FOLR1: variants seen among roughly 807,000 people sequenced by gnomAD.
The protein encoded by FOLR1 is folate receptor alpha.
Under a neutral mutation model 22.8 loss-of-function variants are expected in FOLR1, and 11 were observed. The observed-to-expected ratio is 0.48, with a 90% CI of 0.30 to 0.80. FOLR1 has a LOEUF of 0.80. Ranked by LOEUF, FOLR1 falls within the 30% of genes least tolerant of loss-of-function variation. The pLI is 0.06. For missense variants in FOLR1, 273 were observed against 320.3 expected (o/e 0.85, Z 1.13); for synonymous variants, 108 against 116.5 (o/e 0.93, Z 0.47).
At position 72,195,333 on chromosome 11, in the gene FOLR1, T is replaced by A; in HGVS notation, c.231T>A (p.Asp77Glu). ...STNTSQEAHKDVSYLYRFNWN... is the reference protein window; with the variant it reads ...STNTSQEAHKEVSYLYRFNWN... ...ACACCAGCCAGGAAGCCCATAAGGATGTTTCCTACCTATATAGATTCAACT... is the reference window on the plus strand; with the variant it reads ...ACACCAGCCAGGAAGCCCATAAGGAAGTTTCCTACCTATATAGATTCAACT... The change falls in exon 2 of 4, where the codon GAT (aspartate) becomes GAA (glutamate). Residue 77 changes from aspartate (D) to glutamate (E), a missense_variant. By Grantham distance (45) the Asp-to-Glu change is conservative. Coordinates refer to ENST00000393676, the MANE Select transcript of FOLR1 (RefSeq NM_016729.3). 6.2e-7 allele frequency: 1 copy of A among 1,614,088 alleles called. No homozygotes were observed. The highest frequency in any genetic ancestry group is 8.5e-7 in the Non-Finnish European group (1 of 1,180,022).
At chr11:72,195,768 G>A in intron 3 of FOLR1, 21 bp downstream of exon 3, 1 of 1,614,220 alleles carries the variant, frequency 6.2e-7, no homozygotes, top group East Asian at 2.2e-5. Context: ...GGGTGGGCAG[G>A]AATGGAGGGA....
chr11:72,195,638 G>A lies in FOLR1; in HGVS notation c.384G>A (p.Arg128=), dbSNP rs781503638. ...TGGATCAGAGCTGGCGCAAAGAGCG[G>A]GTACTGAACGTGCCCCTGTGCAAAG... ...QQVDQSWRKE[R]VLNVPLCKED... is the part of the protein sequence containing the mutation. The change falls in exon 3 of 4, where the codon CGG becomes CGA. Residue 128 remains arginine (R), a synonymous_variant. Transcript: ENST00000393676. The A allele has an allele frequency of 2.5e-6, 4 of 1,614,198 alleles. No homozygotes were observed. Among genetic ancestry groups the A allele is most frequent in the Non-Finnish European group, 8.5e-7 (1 of 1,180,036 alleles).
At chr11:72,192,382 A>G in intron 1 of FOLR1, 41 bp downstream of exon 1, 1 of 1,609,824 alleles carries the variant, frequency 6.2e-7, no homozygotes, top group South Asian at 1.1e-5. Flanking sequence ...GGACTGGCTC[A>G]GGAAGAGGAA....
intron 1 of FOLR1, among the ~76,000 whole-genome samples, chr11:72,193,584 G>GCCA (rs1225130755): frequency 6.8e-6 from 1 of 147,636 alleles, no homozygotes; most frequent in Non-Finnish European, 1.5e-5. Flanking sequence ...GTAGGCACAC[G>GCCA]CCACCACACC....
Position 72,195,288 on chromosome 11 carries a change from G to C in FOLR1, c.186G>C (p.Lys62Asn). 2 of 1,614,024 alleles carry C rather than the reference G, an allele frequency of 1.2e-6. No homozygotes were observed. The highest frequency in any genetic ancestry group is 1.7e-6 in the Non-Finnish European group (2 of 1,180,020). The part of the protein sequence containing the change: ...KLHEQCRPWR[K>N]NACCSTNTSQ... Reference sequence around the variant, plus strand: ...CCATCCAGTGTCGACCCTGGAGGAAGAATGCCTGCTGTTCTACCAACACCA... The same window carrying C: ...CCATCCAGTGTCGACCCTGGAGGAACAATGCCTGCTGTTCTACCAACACCA... The change falls in exon 2 of 4, where the codon AAG becomes AAC. Residue 62 changes from lysine (K) to asparagine (N), a missense_variant. Coordinates refer to ENST00000393676, the MANE Select transcript of FOLR1 (RefSeq NM_016729.3).
At position 72,192,205 on chromosome 11, in the gene FOLR1, T is replaced by A; in HGVS notation, c.32T>A (p.Leu11His). 6.2e-7 allele frequency: 1 copy of A among 1,614,168 alleles called. No individual in the cohort carries two copies. Among genetic ancestry groups the A allele is most frequent in the Non-Finnish European group, 8.5e-7 (1 of 1,180,032 alleles). The part of the protein sequence containing the change: MAQRMTTQLL[L>H]LLVWVAVVGE... ...CAGCGGATGACAACACAGCTGCTGC[T>A]CCTTCTAGTGTGGGTGGCTGTAGTA... The change falls in exon 1 of 4, where the codon CTC becomes CAC. Residue 11 changes from leucine (L) to histidine (H), a missense_variant. Coordinates refer to ENST00000393676, the MANE Select transcript of FOLR1 (RefSeq NM_016729.3).
Position 72,195,738 on chromosome 11 carries a change from T to C in FOLR1, c.484T>C (p.Trp162Arg). Residue 162 changes from tryptophan to arginine, a missense_variant, in exon 3 of 4, where the codon TGG becomes CGG. Transcript: ENST00000393676. ...CKSNWHKGWN[W>R]TSGFNKCAVG... is the part of the protein sequence containing the mutation. ...GAGCAACTGGCACAAGGGCTGGAAC[T>C]GGACTTCAGGTGAGGGCTGGGGTGG... The C allele has an allele frequency of 6.2e-7, 1 of 1,614,178 alleles. No individual in the cohort carries two copies. Among genetic ancestry groups the C allele is most frequent in the Non-Finnish European group, 8.5e-7 (1 of 1,180,028 alleles).
At chr11:72,192,705 A>G (rs1948172626) in intron 1 of FOLR1, among the ~76,000 whole-genome samples, 1 of 152,198 alleles carries the variant, frequency 6.6e-6, no homozygotes, top group Non-Finnish European at 1.5e-5. Flanking sequence ...CTTTTCTGCC[A>G]GCCCTAAACA....
At chr11:72,190,961 G>C (rs1948148797), upstream of FOLR1, among the ~76,000 whole-genome samples, 1 of 152,364 alleles carries the variant, frequency 6.6e-6, no homozygotes, top group Non-Finnish European at 1.5e-5. Context: ...GTATGTGGAA[G>C]ATGAGTTAGA....
At chr11:72,193,141 C>A (rs1251745801) in intron 1 of FOLR1, among the ~76,000 whole-genome samples, 1 of 151,956 alleles carries the variant, frequency 6.6e-6, no homozygotes, top group Non-Finnish European at 1.5e-5. Flanking sequence ...TCGAGACCAG[C>A]CTGGGCAAGA....
upstream of FOLR1, among the ~76,000 whole-genome samples, chr11:72,190,879 AGAG>A (rs1471916917): frequency 1.3e-5 from 2 of 152,336 alleles, no homozygotes; most frequent in African/African-American, 4.8e-5. Flanking sequence ...GGCCCTGTCA[AGAG>A]GAGAGGAGGG....
At chr11:72,190,338 T>C (rs1948140474), upstream of FOLR1, 1 of 152,324 alleles carries the variant, frequency 6.6e-6, no homozygotes, top group African/African-American at 2.4e-5. Context: ...GGGTGGTCCC[T>C]ACTGTGTGAC....
intron 1 of FOLR1, among the ~76,000 whole-genome samples, chr11:72,193,208 A>G (rs1397222020): frequency 6.6e-6 from 1 of 152,006 alleles, no homozygotes; most frequent in East Asian, 1.9e-4. Flanking sequence ...GTGGTGGCAC[A>G]TGCCTGCAGT....
chr11:72,195,494 G>A (rs763433361), intron 2 of FOLR1, 35 bp downstream of exon 2: 33 of 1,613,448 alleles, frequency 2.0e-5, no homozygotes, highest in Non-Finnish European at 2.5e-5. Context: ...AAGACCTAGC[G>A]GAGCAGCTGA....
upstream of FOLR1, among the ~76,000 whole-genome samples, chr11:72,191,687 G>T (rs1948159387): frequency 2.0e-5 from 3 of 152,320 alleles, no homozygotes; most frequent in South Asian, 6.2e-4. Context: ...TTACAATGAA[G>T]TAATTTGGTG....
In FOLR1 at chr11:72,195,916, G is replaced by T; in HGVS notation, c.513G>T (p.Val171=). The change falls in exon 4 of 4, where the codon GTG becomes GTT. Residue 171 remains valine, a synonymous_variant. Coordinates refer to ENST00000393676, the MANE Select transcript of FOLR1 (RefSeq NM_016729.3). ...NWTSGFNKCA[V]GAACQPFHFY... is the part of the protein sequence containing the mutation. Reference sequence around the variant, plus strand: ...CTACAGGGTTTAACAAGTGCGCAGTGGGAGCTGCCTGCCAACCTTTCCATT... The same window carrying T: ...CTACAGGGTTTAACAAGTGCGCAGTTGGAGCTGCCTGCCAACCTTTCCATT... The T allele has an allele frequency of 6.2e-7, 1 of 1,614,182 alleles. No homozygotes were observed. The highest frequency in any genetic ancestry group is 2.2e-5 in the East Asian group (1 of 44,888).
rs112062510 is a variant in FOLR1, at chr11:72,192,183, C to T, written c.10C>T (p.Arg4Trp). Residue 4 changes from arginine to tryptophan, a missense_variant, in exon 1 of 4, where the codon CGG becomes TGG. Arg to Trp is a moderately radical substitution (Grantham distance 101). Coordinates refer to ENST00000393676, the MANE Select transcript of FOLR1 (RefSeq NM_016729.3). ...TTCTTCAGGGACAGACATGGCTCAG[C>T]GGATGACAACACAGCTGCTGCTCCT... is the stretch of plus-strand genomic sequence containing the variant. MAQ[R>W]MTTQLLLLLV... 19 of 1,614,122 alleles carry T rather than the reference C, an allele frequency of 1.2e-5. No homozygotes were observed. The African/African-American group carries it at 1.2e-4, about 10-fold the overall frequency.
chr11:72,193,190 A>T (rs552988370), intron 1 of FOLR1, among the ~76,000 whole-genome samples: 15 of 152,084 alleles, frequency 9.9e-5, no homozygotes, highest in Non-Finnish European at 2.2e-4. Context: ...AAAAAAAATT[A>T]GTCAGGTGTG....
At position 72,195,608 on chromosome 11, in the gene FOLR1, C is replaced by T; in HGVS notation, c.358-4C>T. On this transcript the variant is annotated splice_region_variant and splice_polypyrimidine_tract_variant and intron_variant, in intron 2 of 3. Coordinates refer to ENST00000393676, the MANE Select transcript of FOLR1 (RefSeq NM_016729.3). ...AGCCCTTCTTTTGTATCAAAATCACCCAGGTGGATCAGAGCTGGCGCAAAG... is the reference window on the plus strand; with the variant it reads ...AGCCCTTCTTTTGTATCAAAATCACTCAGGTGGATCAGAGCTGGCGCAAAG... 1 of 1,614,168 alleles carries T rather than the reference C, an allele frequency of 6.2e-7. No individual in the cohort carries two copies. The highest frequency in any genetic ancestry group is 8.5e-7 in the Non-Finnish European group (1 of 1,180,040).
Sources: allele counts gnomAD v4.1 joint callset (sites outside exome capture counted in the v4.1 genomes callset), GRCh38; gene constraint gnomAD v4.1.1; transcripts MANE v1.5; gene names NCBI Gene and HGNC (gene_info 2026-07-23, HGNC 2026-07-21).